The following ARHGAP15 variants were observed in gnomAD, a reference collection of about 807,000 sequenced individuals.
ARHGAP15 encodes the protein Rho GTPase activating protein 15.
In ARHGAP15, 51 loss-of-function variants were observed where a neutral mutation model predicts 63.7. That is an observed-to-expected ratio of 0.80 (90% CI 0.64 to 1.01). The LOEUF is 1.01. Among genes scored for constraint, ARHGAP15 ranks in the 50% least tolerant of loss-of-function variants. The probability of loss-of-function intolerance (pLI) is 0.00; values close to 1 mark genes in which losing one functional copy is unlikely to be tolerated. For missense variants in ARHGAP15, 560 were observed against 564.6 expected (o/e 0.99, Z 0.08); for synonymous variants, 191 against 193.8 (o/e 0.99, Z 0.12).
intron 3 of ARHGAP15, 28 bp from the exon 4 acceptor site, chr2:143,216,356 G>A (rs772735711): frequency 3.6e-5 from 56 of 1,574,444 alleles, no homozygotes; most frequent in East Asian, 6.7e-5. Flanking sequence ...AGTTTGTCAC[G>A]GTTTTAACAT....
intron 8 of ARHGAP15, among the ~76,000 whole-genome samples, chr2:143,475,340 T>G (rs1009966404): frequency 3.3e-5 from 5 of 152,238 alleles, no homozygotes; most frequent in Non-Finnish European, 4.4e-5. Flanking sequence ...TCCTCAGATC[T>G]GCTCAGAGCA....
At chr2:143,335,476 T>C (rs997589085) in intron 6 of ARHGAP15, among the ~76,000 whole-genome samples, 2 of 152,192 alleles carry the variant, frequency 1.3e-5, no homozygotes, top group African/African-American at 4.8e-5. Flanking sequence ...TTGCATAGTT[T>C]TGTTTGGGAT....
intron 12 of ARHGAP15, among the ~76,000 whole-genome samples, chr2:143,700,786 C>G (rs1037086310): frequency 1.3e-5 from 2 of 152,158 alleles, no homozygotes; most frequent in Non-Finnish European, 2.9e-5. Flanking sequence ...CAAGCATCCC[C>G]AATAGCTCTG....
chr2:143,727,435 A>T (rs546480438), intron 13 of ARHGAP15, among the ~76,000 whole-genome samples: 1 of 151,422 alleles, frequency 6.6e-6, no homozygotes, highest in South Asian at 2.1e-4. Context: ...AGAAACTTTT[A>T]AAAAAATAAC....
chr2:143,421,766 GTA>G (rs59677710), intron 6 of ARHGAP15, among the ~76,000 whole-genome samples: 2,293 of 108,750 alleles, frequency 0.021, 22 homozygotes, highest in South Asian at 0.033. Context: ...TGCACATGGT[GTA>G]TATATATATA....
At chr2:143,447,359 G>T (rs1290927825) in intron 8 of ARHGAP15, among the ~76,000 whole-genome samples, 1 of 152,130 alleles carries the variant, frequency 6.6e-6, no homozygotes, top group East Asian at 1.9e-4. Context: ...GGGTTTTGTT[G>T]ACTAAAGTAA....
chr2:143,330,094 C>CAAAAAAAAAAAAAAAAA (rs1303438123), intron 6 of ARHGAP15, among the ~76,000 whole-genome samples: 2 of 1,680 alleles, frequency 1.2e-3, no homozygotes, highest in African/African-American at 1.6e-3. Context: ...GGCTCTGTCT[C>CAAAAAAAAAAAAAAAAA]AAAAAAAAAA....
chr2:143,153,441 C>T (rs1689915492), intron 1 of ARHGAP15, among the ~76,000 whole-genome samples: 2 of 151,904 alleles, frequency 1.3e-5, no homozygotes, highest in South Asian at 4.1e-4. Context: ...TAATACATTA[C>T]TCATGTAAGC....
intron 9 of ARHGAP15, among the ~76,000 whole-genome samples, chr2:143,489,751 TAACTC>T (rs1692496088): frequency 6.6e-6 from 1 of 152,208 alleles, no homozygotes; most frequent in African/African-American, 2.4e-5. Context: ...CAAAATGACT[TAACTC>T]TTTCAAAGGG....
intron 6 of ARHGAP15, among the ~76,000 whole-genome samples, chr2:143,430,676 C>G (rs1285524730): frequency 6.6e-6 from 1 of 151,988 alleles, no homozygotes; most frequent in East Asian, 1.9e-4. Context: ...AATTCATATT[C>G]ACTTCAAATA....
intron 6 of ARHGAP15, among the ~76,000 whole-genome samples, chr2:143,350,699 C>T (rs1412155523): frequency 4.7e-5 from 7 of 148,150 alleles, no homozygotes. Flanking sequence ...ATTAGCCAGG[C>T]GTGGTGGTGG....
chr2:143,763,791 AT>A (rs1686856484), intron 13 of ARHGAP15, among the ~76,000 whole-genome samples: 1 of 147,712 alleles, frequency 6.8e-6, no homozygotes, highest in African/African-American at 2.5e-5. Context: ...TATAAATTTT[AT>A]GTATATATTT....
chr2:143,139,973 AT>A (rs1449559686), intron 1 of ARHGAP15, among the ~76,000 whole-genome samples: 2 of 152,162 alleles, frequency 1.3e-5, no homozygotes, highest in African/African-American at 4.8e-5. Context: ...AAAATGATGT[AT>A]GTAAAGATGT....
chr2:143,153,819 TTCTTCTTCTTCTTCTTCTTCTTCTTCC>T (rs1689944908), intron 1 of ARHGAP15, among the ~76,000 whole-genome samples: 2 of 82,156 alleles, frequency 2.4e-5, no homozygotes, highest in African/African-American at 8.9e-5. Context: ...CTTCTTCTTC[TTCTTCTTCTTCTTCTTCTTCTTCTTCC>T]TCCTCCTCCT....
chr2:143,202,302 T>TTGATAGA, intron 3 of ARHGAP15, 100 bp downstream of exon 3: 1 of 984,254 alleles, frequency 1.0e-6, no homozygotes, highest in Non-Finnish European at 1.6e-6. Flanking sequence ...CTCATTTTTC[T>TTGATAGA]GTGGGTCAGG....
chr2:143,610,319 C>T (rs974553540), intron 11 of ARHGAP15, among the ~76,000 whole-genome samples: 2 of 152,126 alleles, frequency 1.3e-5, no homozygotes, highest in African/African-American at 4.8e-5. Flanking sequence ...AAAAATAGCT[C>T]TGTTCATTAA....
chr2:143,597,047 T>G (rs973922191), intron 11 of ARHGAP15, among the ~76,000 whole-genome samples: 8 of 152,052 alleles, frequency 5.3e-5, no homozygotes, highest in Non-Finnish European at 1.2e-4. Flanking sequence ...CAATTTGTAT[T>G]TCTCACTAAT....
intron 1 of ARHGAP15, among the ~76,000 whole-genome samples, chr2:143,141,747 TG>T (rs1689375325): frequency 6.6e-6 from 1 of 152,142 alleles, no homozygotes; most frequent in African/African-American, 2.4e-5. Flanking sequence ...GCTCTTCATT[TG>T]CGATCTTACC....
intron 2 of ARHGAP15, among the ~76,000 whole-genome samples, chr2:143,199,735 A>G (rs1013932333): frequency 6.6e-6 from 1 of 152,048 alleles, no homozygotes; most frequent in African/African-American, 2.4e-5. Flanking sequence ...AGAAAAGAGG[A>G]TACAATTTTG....
Sources: gnomAD v4.1 joint callset for allele counts (sites outside exome capture counted in the v4.1 genomes callset) on GRCh38, gnomAD v4.1.1 for gene constraint, MANE v1.5 for transcripts, NCBI Gene and HGNC (gene_info 2026-07-23, HGNC 2026-07-21) for gene names.